Variants in DRAM1 observed in about 807,000 individuals in gnomAD.
The protein encoded by DRAM1 is DNA damage regulated autophagy modulator 1, also known as DNA damage-regulated autophagy modulator protein 1.
Under a neutral mutation model 28.5 loss-of-function variants are expected in DRAM1, and 25 were observed. That is an observed-to-expected ratio of 0.88 (90% CI 0.64 to 1.23). DRAM1 has a LOEUF of 1.23. Among genes scored for constraint, DRAM1 ranks in the 50% most tolerant of loss-of-function variants. The pLI is 0.00. For synonymous variants in DRAM1, 113 were observed against 114.2 expected, an observed-to-expected ratio of 0.99 and a Z score of 0.07; for missense variants, 249 against 299.2, an observed-to-expected ratio of 0.83 and a Z score of 1.24.
chr12:101,881,237 G>C (rs540789331), intron 1 of DRAM1, among the ~76,000 whole-genome samples: 131 of 152,282 alleles, frequency 8.6e-4, no homozygotes, highest in Non-Finnish European at 1.4e-3. Context: ...CCGAGACTGT[G>C]CCACTGCACT....
At chr12:101,907,199 C>CAAAAAAAAAAAAAAAA (rs397965756) in intron 3 of DRAM1, among the ~76,000 whole-genome samples, 1 of 85,144 alleles carries the variant, frequency 1.2e-5, no homozygotes, top group East Asian at 3.2e-4. Context: ...GACCCTGTCT[C>CAAAAAAAAAAAAAAAA]AAAAAAAAAA....
intron 1 of DRAM1, 76 bp from the exon 2 acceptor site, chr12:101,897,787 T>C: frequency 2.0e-6 from 2 of 1,016,832 alleles, no homozygotes; most frequent in South Asian, 1.4e-5. Context: ...AATATAAAAC[T>C]CGCCAATTAC....
intron 1 of DRAM1, chr12:101,890,066 T>A (rs1174239838): frequency 2.2e-6 from 1 of 453,036 alleles, no homozygotes; most frequent in Non-Finnish European, 4.4e-6. Flanking sequence ...TTTCTTTTTC[T>A]TTTTTCTTTT....
intron 3 of DRAM1, among the ~76,000 whole-genome samples, chr12:101,905,003 C>A (rs1028537498): frequency 6.6e-6 from 1 of 152,102 alleles, no homozygotes; most frequent in Non-Finnish European, 1.5e-5. Context: ...AAGCCTTGAA[C>A]TCCTCCTGTC....
chr12:101,882,107 A>ATTTTTTTTTT (rs78402038), intron 1 of DRAM1, among the ~76,000 whole-genome samples: 33 of 129,594 alleles, frequency 2.5e-4, no homozygotes, highest in Non-Finnish European at 4.5e-4. Context: ...TGATGGTCTA[A>ATTTTTTTTTT]TTTTTTTTTT....
At chr12:101,913,114 A>G (rs1333829868) in intron 4 of DRAM1, among the ~76,000 whole-genome samples, 1 of 152,164 alleles carries the variant, frequency 6.6e-6, no homozygotes, top group Non-Finnish European at 1.5e-5. Context: ...AAGTTCAATC[A>G]AAATGGTTAT....
At chr12:101,895,188 T>TTTTTTTTTTTTTGTTTTTTTG (rs1566123812) in intron 1 of DRAM1, among the ~76,000 whole-genome samples, 14 of 38,076 alleles carry the variant, frequency 3.7e-4, no homozygotes, top group South Asian at 1.5e-3. Context: ...CCCTTCAGGT[T>TTTTTTTTTTTTTGTTTTTTTG]TTTTTTTTTT....
chr12:101,888,696 AT>A (rs561454986), intron 1 of DRAM1, among the ~76,000 whole-genome samples: 1 of 147,490 alleles, frequency 6.8e-6, no homozygotes, highest in Non-Finnish European at 1.5e-5. Flanking sequence ...AATTATGAAT[AT>A]TTTTCTTCTA....
Position 101,908,369 on chromosome 12 carries a change from CT to C in DRAM1, c.520+11del. 1 of 1,601,640 alleles carries C rather than the reference CT, an allele frequency of 6.2e-7. No homozygotes were observed. The highest frequency in any genetic ancestry group is 8.5e-7 in the Non-Finnish European group (1 of 1,175,710). ...TTGCGCAGCTGTCATCCCCAGTATCCTTTTTCACATTTGTGCCTTGTTAAAG... is the reference window on the plus strand; with the variant it reads ...TTGCGCAGCTGTCATCCCCAGTATCCTTTTCACATTTGTGCCTTGTTAAAG... On this transcript the variant is annotated splice_region_variant and intron_variant, in intron 4 of 6. Transcript: ENST00000258534.
intron 6 of DRAM1, among the ~76,000 whole-genome samples, chr12:101,920,603 A>C (rs1226312959): frequency 6.6e-6 from 1 of 152,180 alleles, no homozygotes; most frequent in Non-Finnish European, 1.5e-5. Flanking sequence ...ATACAAAGTA[A>C]ATATATCTTT....
intron 1 of DRAM1, among the ~76,000 whole-genome samples, chr12:101,888,786 A>ATTTTTTTT (rs34825466): frequency 9.3e-6 from 1 of 107,940 alleles, no homozygotes; most frequent in South Asian, 2.6e-4. Flanking sequence ...AAACATCTCA[A>ATTTTTTTT]TTTTTTTTTT....
intron 1 of DRAM1, among the ~76,000 whole-genome samples, chr12:101,882,625 A>C (rs186963635): frequency 2.8e-4 from 43 of 151,476 alleles, no homozygotes; most frequent in African/African-American, 8.2e-4. Flanking sequence ...TAAATATTCA[A>C]ATTAAAACTC....
intron 1 of DRAM1, among the ~76,000 whole-genome samples, chr12:101,893,935 ATTAAT>A (rs1873244174): frequency 6.6e-6 from 1 of 150,844 alleles, no homozygotes; most frequent in South Asian, 2.1e-4. Context: ...AAATTAATTA[ATTAAT>A]TTATTTTTGA....
chr12:101,912,356 T>C (rs1874072142), intron 4 of DRAM1, among the ~76,000 whole-genome samples: 1 of 152,188 alleles, frequency 6.6e-6, no homozygotes, highest in African/African-American at 2.4e-5. Flanking sequence ...GAATTAATAA[T>C]TTTCCCTTAC....
At chr12:101,908,520 C>G (rs1344463076) in intron 4 of DRAM1, among the ~76,000 whole-genome samples, 157 bp downstream of exon 4, 1 of 152,066 alleles carries the variant, frequency 6.6e-6, no homozygotes. Flanking sequence ...TTGGCAAGTG[C>G]GAATCTATAG....
chr12:101,910,835 G>T (rs1874016471), intron 4 of DRAM1, among the ~76,000 whole-genome samples: 1 of 151,986 alleles, frequency 6.6e-6, no homozygotes, highest in Non-Finnish European at 1.5e-5. Flanking sequence ...TACAGAAAGG[G>T]GTTATAACCC....
At chr12:101,894,872 G>A (rs1056579880) in intron 1 of DRAM1, among the ~76,000 whole-genome samples, 1 of 152,140 alleles carries the variant, frequency 6.6e-6, no homozygotes, top group Admixed American at 6.6e-5. Flanking sequence ...CCTGGCATGT[G>A]GCTGTCTGAG....
intron 1 of DRAM1, among the ~76,000 whole-genome samples, chr12:101,883,042 T>A (rs12299239): frequency 0.021 from 3,182 of 151,164 alleles, 65 homozygotes; most frequent in African/African-American, 0.031. Flanking sequence ...CCTAGCAGAT[T>A]TTTACGTCAA....
chr12:101,882,868 T>G (rs2047803644), intron 1 of DRAM1, among the ~76,000 whole-genome samples: 1 of 145,592 alleles, frequency 6.9e-6, no homozygotes, highest in Non-Finnish European at 1.5e-5. Context: ...AAATTTATCC[T>G]ATAGGTGTAC....
Sources: allele counts gnomAD v4.1 joint callset (sites outside exome capture counted in the v4.1 genomes callset), GRCh38; gene constraint gnomAD v4.1.1; transcripts MANE v1.5; gene names NCBI Gene and HGNC (gene_info 2026-07-23, HGNC 2026-07-21).